The following PGAP1 variants were observed in gnomAD, a reference collection of about 807,000 sequenced individuals.
PGAP1 encodes GPI inositol-deacylase.
Under a neutral mutation model 127.0 loss-of-function variants are expected in PGAP1, and 76 were observed. The ratio of observed to expected loss-of-function variants is 0.60; its 90% CI spans 0.50 to 0.72. PGAP1 has a LOEUF of 0.72. Among genes scored for constraint, PGAP1 ranks in the 30% least tolerant of loss-of-function variants. The pLI is 0.00. For missense variants in PGAP1, 982 were observed against 1,071.3 expected (o/e 0.92, Z 1.16); for synonymous variants, 362 against 366.5 (o/e 0.99, Z 0.14).
Position 196,873,168 on chromosome 2 carries a change from T to C in PGAP1, c.1553-142A>G, listed in dbSNP as rs187833521. 376 of 457,746 alleles carry C rather than the reference T, an allele frequency of 8.2e-4. 2 individuals are homozygous for C. The highest frequency in any genetic ancestry group is 7.0e-3 in the African/African-American group (341 of 48,830). 28.4% of individuals were successfully genotyped at this position (457,746 alleles called of 1,614,324 possible). Reference sequence around the variant, plus strand: ...GGTTATATTACATGATAAAAAATTATGGCGAATTCCTAAATAATAATGCTT... The same window carrying C: ...GGTTATATTACATGATAAAAAATTACGGCGAATTCCTAAATAATAATGCTT... On this transcript the variant is annotated intron_variant, in intron 16 of 26. Coordinates refer to ENST00000354764, the MANE Select transcript of PGAP1 (RefSeq NM_024989.4).
chr2:196,886,574 T>C (rs1463895516), intron 10 of PGAP1, among the ~76,000 whole-genome samples: 1 of 152,222 alleles, frequency 6.6e-6, no homozygotes. Flanking sequence ...CTACATTTTT[T>C]AAATGAAGAA....
At chr2:196,911,606 T>TAAAAAAAAAAAAAAA in intron 4 of PGAP1, among the ~76,000 whole-genome samples, 1 of 77,286 alleles carries the variant, frequency 1.3e-5, no homozygotes, top group Non-Finnish European at 2.4e-5. Flanking sequence ...TAGAGTATAA[T>TAAAAAAAAAAAAAAA]AAAAAAAAAA....
At chr2:196,924,948 C>T (rs1002682298) in intron 1 of PGAP1, among the ~76,000 whole-genome samples, 1 of 152,114 alleles carries the variant, frequency 6.6e-6, no homozygotes, top group Non-Finnish European at 1.5e-5. Flanking sequence ...CTCTTCAATG[C>T]GGTACAAAAC....
At chr2:196,883,004 T>G (rs1490853799) in intron 12 of PGAP1, among the ~76,000 whole-genome samples, 1 of 152,176 alleles carries the variant, frequency 6.6e-6, no homozygotes. Context: ...ATTAGATGGC[T>G]CTTATTACTT....
At chr2:196,892,731 G>A (rs565598040) in intron 8 of PGAP1, among the ~76,000 whole-genome samples, 14 of 152,008 alleles carry the variant, frequency 9.2e-5, no homozygotes, top group Non-Finnish European at 1.6e-4. Flanking sequence ...GACAAAGCAA[G>A]TTATTTTGTT....
chr2:196,864,601 T>C (rs528970737), intron 20 of PGAP1, among the ~76,000 whole-genome samples: 2 of 152,174 alleles, frequency 1.3e-5, no homozygotes, highest in South Asian at 4.1e-4. Flanking sequence ...TTCTTTCCAT[T>C]AAAAATGACA....
chr2:196,883,186 G>T (rs1349160542), intron 12 of PGAP1, among the ~76,000 whole-genome samples: 2 of 152,144 alleles, frequency 1.3e-5, no homozygotes, highest in African/African-American at 4.8e-5. Flanking sequence ...TTTTGTTCTG[G>T]AAGTATGTGT....
At chr2:196,860,512 C>T (rs1462852987) in intron 20 of PGAP1, among the ~76,000 whole-genome samples, 1 of 151,896 alleles carries the variant, frequency 6.6e-6, no homozygotes, top group Admixed American at 6.6e-5. Context: ...CCTGTCTGGG[C>T]AACAGAACGA....
intron 6 of PGAP1, among the ~76,000 whole-genome samples, 181 bp downstream of exon 6, chr2:196,898,136 G>A (rs2080470324): frequency 6.6e-6 from 1 of 151,994 alleles, no homozygotes; most frequent in South Asian, 2.1e-4. Context: ...AGGATCACTT[G>A]AAGCCAGGAG....
At chr2:196,915,010 G>T (rs187347192) in intron 3 of PGAP1, among the ~76,000 whole-genome samples, 1 of 151,908 alleles carries the variant, frequency 6.6e-6, no homozygotes, top group Non-Finnish European at 1.5e-5. Context: ...TAGACACAGG[G>T]TCTCACTATG....
At chr2:196,863,425 T>C (rs1701130648) in intron 20 of PGAP1, among the ~76,000 whole-genome samples, 1 of 152,180 alleles carries the variant, frequency 6.6e-6, no homozygotes, top group Non-Finnish European at 1.5e-5. Flanking sequence ...TGCAGCAACA[T>C]GGATATAACT....
chr2:196,847,414 T>C, intron 21 of PGAP1: 2 of 410,762 alleles, frequency 4.9e-6, no homozygotes, highest in Non-Finnish European at 4.3e-6. Context: ...CATTTCAGTA[T>C]AGCTTTACTA....
intron 3 of PGAP1, 123 bp from the exon 4 acceptor site, chr2:196,913,176 CCAT>C (rs1702890617): frequency 1.2e-6 from 1 of 813,616 alleles, no homozygotes; most frequent in East Asian, 2.7e-5. Flanking sequence ...ATATAACCTC[CCAT>C]CATAAGGTAC....
chr2:196,878,592 T>C (rs940884564), intron 13 of PGAP1, among the ~76,000 whole-genome samples: 6 of 152,160 alleles, frequency 3.9e-5, no homozygotes, highest in African/African-American at 9.7e-5. Context: ...TTCTACAGCA[T>C]AAGGAGATTA....
At chr2:196,853,739 T>C (rs1379046775) in intron 20 of PGAP1, among the ~76,000 whole-genome samples, 1 of 152,188 alleles carries the variant, frequency 6.6e-6, no homozygotes, top group African/African-American at 2.4e-5. Context: ...AAGCTTAGGA[T>C]AACTGAGCTT....
At chr2:196,885,569 A>G (rs972226381) in intron 11 of PGAP1, 94 bp from the exon 12 acceptor site, 10 of 921,858 alleles carry the variant, frequency 1.1e-5, no homozygotes, top group Non-Finnish European at 1.7e-5. Flanking sequence ...AACCATCTCT[A>G]CACCTAGTAG....
At chr2:196,892,852 T>C (rs1475023264) in intron 8 of PGAP1, among the ~76,000 whole-genome samples, 1 of 152,134 alleles carries the variant, frequency 6.6e-6, no homozygotes, top group Non-Finnish European at 1.5e-5. Context: ...ACTTAGTTTA[T>C]GCAATTGTTA....
At chr2:196,926,061 G>C (rs1255358465) in intron 1 of PGAP1, among the ~76,000 whole-genome samples, 1 of 152,120 alleles carries the variant, frequency 6.6e-6, no homozygotes, top group Non-Finnish European at 1.5e-5. Context: ...CCTGGGGCAC[G>C]GGTTAAGGCA....
At chr2:196,887,971 C>A in intron 10 of PGAP1, among the ~76,000 whole-genome samples, 1 of 152,214 alleles carries the variant, frequency 6.6e-6, no homozygotes, top group South Asian at 2.1e-4. Context: ...TAAGAAGGGG[C>A]CTATCCTCAA....
Sources: gnomAD v4.1 joint callset for allele counts (sites outside exome capture counted in the v4.1 genomes callset) on GRCh38, gnomAD v4.1.1 for gene constraint, MANE v1.5 for transcripts, NCBI Gene and HGNC (gene_info 2026-07-23, HGNC 2026-07-21) for gene names.